Variants in KIF26B observed in about 807,000 individuals in gnomAD.
KIF26B encodes the protein kinesin-like protein KIF26B.
KIF26B carries 63 observed loss-of-function variants against 151.2 expected under a neutral mutation model. The ratio of observed to expected loss-of-function variants is 0.42; its 90% CI spans 0.34 to 0.51. The LOEUF (loss-of-function observed/expected upper bound fraction) is 0.51. Ranked by LOEUF, KIF26B falls within the 20% of genes least tolerant of loss-of-function variation. KIF26B has a pLI of 0.07. For missense variants in KIF26B, 2,813 were observed against 2,913.6 expected, an observed-to-expected ratio of 0.97 and a Z score of 0.79; for synonymous variants, 1,357 against 1,262.1, an observed-to-expected ratio of 1.08 and a Z score of -1.59.
At chr1:245,268,836 T>C (rs1670797247) in intron 2 of KIF26B, among the ~76,000 whole-genome samples, 1 of 152,204 alleles carries the variant, frequency 6.6e-6, no homozygotes, top group Non-Finnish European at 1.5e-5. Context: ...CTGGTTTGCA[T>C]GGGACACAGG....
chr1:245,498,646 C>T (rs1660558778), intron 4 of KIF26B, among the ~76,000 whole-genome samples: 1 of 152,182 alleles, frequency 6.6e-6, no homozygotes, highest in Non-Finnish European at 1.5e-5. Context: ...AAGTTTTCTT[C>T]CTCTCCATAA....
chr1:245,557,477 C>T (rs1225929099), intron 5 of KIF26B, among the ~76,000 whole-genome samples: 5 of 152,122 alleles, frequency 3.3e-5, no homozygotes, highest in Admixed American at 1.3e-4. Flanking sequence ...AACAGGAAAA[C>T]GAATCATACT....
intron 4 of KIF26B, among the ~76,000 whole-genome samples, chr1:245,537,557 G>A (rs1661515017): frequency 6.6e-6 from 1 of 152,226 alleles, no homozygotes; most frequent in Non-Finnish European, 1.5e-5. Flanking sequence ...AGAGAAGTCT[G>A]TGGCTCTGAC....
chr1:245,507,014 C>T (rs1359915212), intron 4 of KIF26B, among the ~76,000 whole-genome samples: 1 of 152,100 alleles, frequency 6.6e-6, no homozygotes, highest in African/African-American at 2.4e-5. Context: ...CAGTATTGGT[C>T]CAGGGAGGGT....
At chr1:245,179,276 A>G (rs1668863485) in intron 2 of KIF26B, among the ~76,000 whole-genome samples, 1 of 152,170 alleles carries the variant, frequency 6.6e-6, no homozygotes, top group Non-Finnish European at 1.5e-5. Flanking sequence ...TTTATCACAC[A>G]TTTATCAGGC....
At chr1:245,534,559 A>C (rs969013987) in intron 4 of KIF26B, among the ~76,000 whole-genome samples, 8 of 152,150 alleles carry the variant, frequency 5.3e-5, no homozygotes, top group African/African-American at 1.7e-4. Flanking sequence ...TATGAAGCTA[A>C]TGGATGTTTA....
At chr1:245,559,389 GGTGA>G (rs1572126858) in intron 5 of KIF26B, among the ~76,000 whole-genome samples, 1 of 152,082 alleles carries the variant, frequency 6.6e-6, no homozygotes, top group Admixed American at 6.6e-5. Flanking sequence ...TTTTTACTAC[GGTGA>G]GTAACAAGGT....
chr1:245,542,932 T>A (rs1021878002), intron 5 of KIF26B, among the ~76,000 whole-genome samples: 10 of 152,162 alleles, frequency 6.6e-5, no homozygotes, highest in Non-Finnish European at 1.3e-4. Flanking sequence ...CTCTTCTGAA[T>A]AAGTGTGAGC....
At position 245,703,255 on chromosome 1, in the gene KIF26B, A is replaced by C. The variant is rs1028712356; in HGVS notation, c.*649A>C. 3 of 152,632 alleles carry C rather than the reference A, an allele frequency of 2.0e-5. No homozygotes were observed. The highest frequency in any genetic ancestry group is 7.2e-5 in the African/African-American group (3 of 41,462). The allele number at this position is 152,632 out of a possible 1,614,324, so 9.5% of individuals were successfully genotyped here. On this transcript the variant is annotated 3_prime_UTR_variant, in exon 15 of 15. Coordinates refer to ENST00000407071, the MANE Select transcript of KIF26B (RefSeq NM_018012.4). The stretch of plus-strand genomic sequence containing the variant: ...TAAATATTACCTGTCTTTTATGGTT[A>C]TTCTGGTGAGGCCACTCAAACAGAG...
rs529096278 is a variant in KIF26B at position 245,253,968 on chromosome 1, C to T, written c.465+97285C>T. Among the ~76,000 whole-genome samples the T allele has an allele frequency of 1.8e-3, 277 of 151,850 alleles. 1 individual carries two copies. Among genetic ancestry groups the T allele is most frequent in the African/African-American group, 6.4e-3 (265 of 41,440 alleles). ...GGGACTACAGGCGCCCGCCACCACG[C>T]CCGGCTGATTTTTTTGTATTTTTAG... On this transcript the variant is annotated intron_variant, in intron 2 of 14. Transcript: ENST00000407071.
intron 2 of KIF26B, among the ~76,000 whole-genome samples, chr1:245,363,271 A>T (rs1392396121): frequency 6.6e-6 from 1 of 152,178 alleles, no homozygotes; most frequent in Non-Finnish European, 1.5e-5. Context: ...ATCTCAGCTC[A>T]CTGCAACCTC....
chr1:245,430,670 G>GA (rs11435071), intron 4 of KIF26B, among the ~76,000 whole-genome samples: 37,326 of 150,932 alleles, frequency 0.25, 4,990 homozygotes, highest in African/African-American at 0.33. Flanking sequence ...CCTTCTCTTA[G>GA]AAAAAAAAAT....
At chr1:245,661,296 T>C (rs2044134936) in intron 10 of KIF26B, among the ~76,000 whole-genome samples, 2 of 151,794 alleles carry the variant, frequency 1.3e-5, no homozygotes, top group East Asian at 1.9e-4. Flanking sequence ...CCCATTTTAA[T>C]TATTTTGTGA....
chr1:245,303,277 C>T (rs1012720604), intron 2 of KIF26B, among the ~76,000 whole-genome samples: 11 of 145,652 alleles, frequency 7.6e-5, no homozygotes, highest in African/African-American at 7.8e-5. Context: ...CGGCTCACTG[C>T]AAGCTCCGCC....
intron 2 of KIF26B, among the ~76,000 whole-genome samples, chr1:245,187,306 T>C (rs777428257): frequency 1.3e-5 from 2 of 152,212 alleles, no homozygotes; most frequent in Non-Finnish European, 2.9e-5. Flanking sequence ...AGCTAAATAA[T>C]GTGTACACAT....
At chr1:245,219,667 A>G (rs1173722429) in intron 2 of KIF26B, among the ~76,000 whole-genome samples, 6 of 152,070 alleles carry the variant, frequency 3.9e-5, no homozygotes, top group Non-Finnish European at 8.8e-5. Context: ...CTAGGAGGTC[A>G]AGGCTGCTGT....
intron 4 of KIF26B, among the ~76,000 whole-genome samples, chr1:245,487,235 A>G (rs1447987341): frequency 1.3e-5 from 2 of 152,170 alleles, no homozygotes; most frequent in African/African-American, 4.8e-5. Context: ...GCAGTTTCAC[A>G]TTTAACAGAT....
chr1:245,192,084 A>C (rs1299311603), intron 2 of KIF26B, among the ~76,000 whole-genome samples: 2 of 152,200 alleles, frequency 1.3e-5, no homozygotes, highest in African/African-American at 2.4e-5. Context: ...ATTAATGCAC[A>C]AAAGTATTTC....
chr1:245,643,603 G>T (rs561883075), intron 9 of KIF26B, among the ~76,000 whole-genome samples: 2 of 152,034 alleles, frequency 1.3e-5, no homozygotes, highest in Non-Finnish European at 2.9e-5. Flanking sequence ...CTTTTAAAGA[G>T]ATTTAAAGTA....
Sources: gnomAD v4.1 joint callset for allele counts (sites outside exome capture counted in the v4.1 genomes callset) on GRCh38, gnomAD v4.1.1 for gene constraint, MANE v1.5 for transcripts, NCBI Gene and HGNC (gene_info 2026-07-23, HGNC 2026-07-21) for gene names.